Variants in MAGEC3 observed in about 807,000 individuals in gnomAD.
The protein encoded by MAGEC3 is MAGE family member C3, also known as melanoma-associated antigen C3.
A neutral mutation model predicts 35.3 loss-of-function variants in MAGEC3; 34 were observed. The observed-to-expected ratio is 0.96, with a 90% CI of 0.73 to 1.28. The LOEUF is 1.28. Ranked by LOEUF, MAGEC3 falls within the 50% of genes most tolerant of loss-of-function variation. MAGEC3 has a pLI of 0.00. For synonymous variants in MAGEC3, 202 were observed against 185.6 expected (o/e 1.09, Z -0.72); for missense variants, 561 against 483.6 (o/e 1.16, Z -1.50).
At position 141,897,210 on chromosome X, in the gene MAGEC3, G is replaced by T. The variant is rs1174126783; in HGVS notation, c.1452G>T (p.Thr484=). 8.3e-7 allele frequency: 1 copy of T among 1,211,655 alleles called. No individual in the cohort carries two copies. Among genetic ancestry groups the T allele is most frequent in the Non-Finnish European group, 1.1e-6 (1 of 895,290 alleles). Residue 484 remains threonine (T), a synonymous_variant, in exon 7 of 8, where the codon ACG becomes ACT. Transcript: ENST00000298296. Reference sequence around the variant, plus strand: ...CTGTCACAAAGGCAGAGATGCTGACGACTGTCATCAAGAAGTATAAGGACT... The same window carrying T: ...CTGTCACAAAGGCAGAGATGCTGACTACTGTCATCAAGAAGTATAAGGACT... The part of the protein sequence containing the change: ...KEPVTKAEML[T]TVIKKYKDYF...
intron 1 of MAGEC3, among the ~76,000 whole-genome samples, chrX:141,861,821 G>T (rs571574318): frequency 8.9e-6 from 1 of 111,828 alleles, no homozygotes; most frequent in African/African-American, 3.2e-5. Flanking sequence ...AAACCTGAAA[G>T]TATAAAACTA....
chrX:141,870,011 G>T (rs968575264), intron 2 of MAGEC3, among the ~76,000 whole-genome samples: 1 of 110,857 alleles, frequency 9.0e-6, no homozygotes. Context: ...CAAAAGCCAG[G>T]GGTTAGGAAA....
At chrX:141,894,560 G>C in intron 4 of MAGEC3, 1 of 773,754 alleles carries the variant, frequency 1.3e-6, no homozygotes, top group Non-Finnish European at 1.7e-6. Flanking sequence ...TTGCTGTCGG[G>C]ACAGGAGAAG....
At chrX:141,852,407 C>A in intron 1 of MAGEC3, among the ~76,000 whole-genome samples, 1 of 110,299 alleles carries the variant, frequency 9.1e-6, no homozygotes, top group African/African-American at 3.3e-5. Context: ...AGTTTTATTT[C>A]TTTCTTTCCA....
intron 1 of MAGEC3, among the ~76,000 whole-genome samples, chrX:141,846,408 A>G (rs1006850210): frequency 9.1e-6 from 1 of 109,819 alleles, no homozygotes; most frequent in African/African-American, 3.3e-5. Flanking sequence ...AATCTCTATG[A>G]TTGGCAGTTT....
At chrX:141,871,175 T>C (rs1244822917) in intron 2 of MAGEC3, among the ~76,000 whole-genome samples, 1 of 111,772 alleles carries the variant, frequency 8.9e-6, no homozygotes, top group Non-Finnish European at 1.9e-5. Flanking sequence ...CTAGTAGTTA[T>C]AAGATTTTTT....
chrX:141,897,545 A>T (rs749181063), intron 7 of MAGEC3, 59 bp downstream of exon 7: 9 of 1,195,762 alleles, frequency 7.5e-6, no homozygotes, highest in African/African-American at 3.5e-5. Context: ...CTCACTATAC[A>T]TTGGGTGCAG....
At position 141,896,993 on chromosome X, in the gene MAGEC3, C is replaced by G. The variant is rs1291948547; in HGVS notation, c.1235C>G (p.Pro412Arg). 1 of 1,205,656 alleles carries G rather than the reference C, an allele frequency of 8.3e-7. No homozygotes were observed. Among genetic ancestry groups the G allele is most frequent in the African/African-American group, 1.8e-5 (1 of 56,930 alleles). The stretch of plus-strand genomic sequence containing the variant: ...CCCCAGGGTCCTCCGCAGAGTCCTC[C>G]CCAGAGTCCTCTAGACTCCTGCTCA... ...ISPQGPPQSP[P>R]QSPLDSCSSP... The change falls in exon 7 of 8, where the codon CCC becomes CGC. Residue 412 changes from proline (P) to arginine (R), a missense_variant. Physicochemically the swap from Pro to Arg is moderately radical, Grantham distance 103. Coordinates refer to ENST00000298296, the MANE Select transcript of MAGEC3 (RefSeq NM_138702.1).
intron 1 of MAGEC3, among the ~76,000 whole-genome samples, chrX:141,841,573 C>T (rs190425606): frequency 2.3e-3 from 255 of 111,520 alleles, no homozygotes; most frequent in African/African-American, 7.8e-3. Flanking sequence ...CTTTCTGCCC[C>T]CACTAGCATA....
chrX:141,876,234 C>A (rs144290815), intron 2 of MAGEC3, among the ~76,000 whole-genome samples: 1 of 111,839 alleles, frequency 8.9e-6, no homozygotes, highest in African/African-American at 3.3e-5. Context: ...CACAACATCC[C>A]CCATTCATGA....
chrX:141,892,403 A>C (rs1485996027), intron 4 of MAGEC3, among the ~76,000 whole-genome samples: 2 of 111,824 alleles, frequency 1.8e-5, no homozygotes, highest in Non-Finnish European at 3.8e-5. Flanking sequence ...TAAAATCAAC[A>C]TCTCTGAGCA....
rs940619890 is a variant in MAGEC3 at position 141,845,307 on chromosome X, A to G, written c.123+6869A>G. ...ATTGCGTACAACTCTGTTTATAGTGATAAATGAGAATAGTCTTTATGATGG... is the reference window on the plus strand; with the variant it reads ...ATTGCGTACAACTCTGTTTATAGTGGTAAATGAGAATAGTCTTTATGATGG... On this transcript the variant is annotated intron_variant, in intron 1 of 7. Transcript: ENST00000298296. Among the ~76,000 whole-genome samples, 8 of 111,431 alleles carry G rather than the reference A, an allele frequency of 7.2e-5. No homozygotes were observed. The East Asian group carries it at 2.2e-3, about 31-fold the overall frequency.
chrX:141,895,740 G>T (rs1345024472), intron 6 of MAGEC3, among the ~76,000 whole-genome samples, 181 bp downstream of exon 6: 1 of 106,324 alleles, frequency 9.4e-6, no homozygotes, highest in Non-Finnish European at 1.9e-5. Context: ...GGAGGGGAGG[G>T]GGAGGGGTGG....
Position 141,879,302 on chromosome X carries a change from G to T in MAGEC3, c.386G>T (p.Trp129Leu). ...SVKQREEPQD[W>L]PLNEKRTLWK... ...AAGCAGAGGGAGGAACCCCAGGACT[G>T]GCCACTCAACGAGAAGAGAACTCTG... The change falls in exon 3 of 8, where the codon TGG (tryptophan) becomes TTG (leucine). Residue 129 changes from tryptophan (W) to leucine (L), a missense_variant. Trp to Leu is a moderately conservative substitution (Grantham distance 61, BLOSUM62 -2). Coordinates refer to ENST00000298296, the MANE Select transcript of MAGEC3 (RefSeq NM_138702.1). 22 of 1,206,827 alleles carry T rather than the reference G, an allele frequency of 1.8e-5. No homozygotes were observed. Among genetic ancestry groups the T allele is most frequent in the Non-Finnish European group, 2.5e-5 (22 of 893,021 alleles).
intron 6 of MAGEC3, chrX:141,896,425 C>T: frequency 8.8e-7 from 1 of 1,135,980 alleles, no homozygotes; most frequent in South Asian, 2.2e-5. Flanking sequence ...TCACATCCTC[C>T]TACAGGTTCT....
intron 3 of MAGEC3, 107 bp downstream of exon 3, chrX:141,879,538 A>C: frequency 1.2e-6 from 1 of 855,011 alleles, no homozygotes; most frequent in Non-Finnish European, 1.6e-6. Flanking sequence ...GTAGGCAGGA[A>C]GGGGTGGAGG....
intron 2 of MAGEC3, among the ~76,000 whole-genome samples, chrX:141,869,460 G>A (rs2017873717): frequency 8.9e-6 from 1 of 112,256 alleles, no homozygotes; most frequent in Admixed American, 9.4e-5. Flanking sequence ...AAGTTTTCTT[G>A]ACTTTGAAAA....
chrX:141,885,663 C>CAAAAA (rs35973319), intron 4 of MAGEC3, among the ~76,000 whole-genome samples: 2 of 40,996 alleles, frequency 4.9e-5, no homozygotes, highest in East Asian at 1.2e-3. Flanking sequence ...GACTTCGTCT[C>CAAAAA]AAAAAAAAAA....
chrX:141,839,834 T>G (rs950654259), intron 1 of MAGEC3: 2 of 533,933 alleles, frequency 3.7e-6, no homozygotes, highest in African/African-American at 5.1e-5. Flanking sequence ...GTTGTCATAA[T>G]TGGTGGCAGC....
Sources: gnomAD v4.1 joint callset for allele counts (sites outside exome capture counted in the v4.1 genomes callset) on GRCh38, gnomAD v4.1.1 for gene constraint, MANE v1.5 for transcripts, NCBI Gene and HGNC (gene_info 2026-07-23, HGNC 2026-07-21) for gene names.